STXBP4: variants seen among roughly 807,000 people sequenced by gnomAD.
STXBP4 encodes syntaxin binding protein 4.
STXBP4 carries 55 observed loss-of-function variants against 76.1 expected under a neutral mutation model. The observed-to-expected ratio is 0.72, with a 90% confidence interval of 0.58 to 0.91. The LOEUF is 0.91. Among genes scored for constraint, STXBP4 ranks in the 40% least tolerant of loss-of-function variants. The pLI, the probability that STXBP4 is intolerant of heterozygous loss-of-function variation, is 0.00. For missense variants in STXBP4, 618 were observed against 636.9 expected, an observed-to-expected ratio of 0.97 and a Z score of 0.32; for synonymous variants, 201 against 220.2, an observed-to-expected ratio of 0.91 and a Z score of 0.77.
At chr17:55,027,561 T>C (rs1014199742) in intron 8 of STXBP4, among the ~76,000 whole-genome samples, 1 of 152,088 alleles carries the variant, frequency 6.6e-6, no homozygotes, top group African/African-American at 2.4e-5. Flanking sequence ...CCAAAAGCTA[T>C]TGAAATAAAA....
At chr17:55,132,861 G>T (rs1194445507) in intron 16 of STXBP4, among the ~76,000 whole-genome samples, 1 of 152,170 alleles carries the variant, frequency 6.6e-6, no homozygotes, top group Non-Finnish European at 1.5e-5. Flanking sequence ...AGTGAACCAT[G>T]CATTCAAAGG....
At position 55,168,611 on chromosome 17, in the gene STXBP4, A is replaced by T. The variant is rs568429177; in HGVS notation, c.*8700A>T. On this transcript the variant is annotated 3_prime_UTR_variant, in exon 18 of 18. Transcript: ENST00000376352. Reference sequence around the variant, plus strand: ...GAGAACTGTTTCAGCATAGATTTTTAAAAATCATGTGTGTAAAAGAGAATG... The same window carrying T: ...GAGAACTGTTTCAGCATAGATTTTTTAAAATCATGTGTGTAAAAGAGAATG... The T allele has an allele frequency of 3.9e-5, 6 of 152,330 alleles. No homozygotes were observed. The highest frequency in any genetic ancestry group is 7.4e-5 in the Non-Finnish European group (5 of 68,014). The allele number at this position is 152,330 out of a possible 1,614,324, so 9.4% of individuals were successfully genotyped here. A position where few individuals can be genotyped will look rare whatever the true frequency, so the allele number is the denominator to read the frequency against.
At position 55,050,014 on chromosome 17, in the gene STXBP4, G is replaced by A. The variant is rs528797832; in HGVS notation, c.1011+2860G>A. Among the ~76,000 whole-genome samples the A allele has an allele frequency of 4.0e-4, 61 of 152,070 alleles. 1 individual carries two copies. Among genetic ancestry groups the A allele is most frequent in the Middle Eastern group, 6.8e-3 (2 of 294 alleles). On this transcript the variant is annotated intron_variant, in intron 12 of 17. Coordinates refer to ENST00000376352, the MANE Select transcript of STXBP4 (RefSeq NM_178509.6). Reference sequence around the variant, plus strand: ...ATTCTTTTCATGAAGCAAGTATAGCGTTGATGTATAAACTTAATAAAAATG... The same window carrying A: ...ATTCTTTTCATGAAGCAAGTATAGCATTGATGTATAAACTTAATAAAAATG...
intron 16 of STXBP4, among the ~76,000 whole-genome samples, chr17:55,136,546 G>A (rs1347361116): frequency 6.6e-6 from 1 of 152,024 alleles, no homozygotes; most frequent in African/African-American, 2.4e-5. Context: ...TTGTATCTAA[G>A]AATTGTATGT....
intron 8 of STXBP4, among the ~76,000 whole-genome samples, chr17:55,016,358 T>G (rs997320993): frequency 6.6e-6 from 1 of 152,070 alleles, no homozygotes; most frequent in Non-Finnish European, 1.5e-5. Context: ...CAGGGGTGAG[T>G]CCTAGAGCTG....
intron 1 of STXBP4, among the ~76,000 whole-genome samples, chr17:54,979,988 A>G (rs962637276): frequency 2.6e-5 from 4 of 152,212 alleles, no homozygotes; most frequent in Admixed American, 2.6e-4. Context: ...CTTTGCAATG[A>G]CAGCTTAATA....
the STXBP4 span, among the ~76,000 whole-genome samples, chr17:55,209,899 G>C: frequency 2.0e-5 from 3 of 152,302 alleles, no homozygotes; most frequent in Non-Finnish European, 2.9e-5. Flanking sequence ...CCAAGAGGCA[G>C]GCTGAGTGTG....
At chr17:55,093,418 A>G (rs1370017868) in intron 16 of STXBP4, among the ~76,000 whole-genome samples, 1 of 152,208 alleles carries the variant, frequency 6.6e-6, no homozygotes, top group Admixed American at 6.5e-5. Context: ...TCCAAGCATT[A>G]GATAATAGCT....
chr17:55,010,384 T>C (rs2144560568), intron 8 of STXBP4, among the ~76,000 whole-genome samples: 1 of 152,192 alleles, frequency 6.6e-6, no homozygotes, highest in East Asian at 1.9e-4. Flanking sequence ...TAGTTATTTC[T>C]TAATTCCTTG....
At chr17:55,082,124 A>G (rs2079263263) in intron 16 of STXBP4, among the ~76,000 whole-genome samples, 1 of 152,226 alleles carries the variant, frequency 6.6e-6, no homozygotes, top group African/African-American at 2.4e-5. Context: ...TTATAATAAA[A>G]TTATATATAT....
chr17:55,046,579 A>G (rs562036313), intron 11 of STXBP4, among the ~76,000 whole-genome samples: 2 of 152,034 alleles, frequency 1.3e-5, no homozygotes, highest in African/African-American at 4.8e-5. Flanking sequence ...GTGTATGTAT[A>G]ATATTAATCT....
rs244306 is a variant in STXBP4 at position 55,160,322 on chromosome 17, T to C, written c.*411T>C. On this transcript the variant is annotated 3_prime_UTR_variant, in exon 18 of 18. Transcript: ENST00000376352. ...CCTCATTTATTTGATAATTCACTAA[T>C]GTTTTATATTCATATATTAGGAAAG... 0.65 allele frequency: 99,022 copies of C among 152,766 alleles called. 33,145 individuals are homozygous for C. Among genetic ancestry groups the C allele is most frequent in the African/African-American group, 0.82 (33,900 of 41,496 alleles). The allele number at this position is 152,766 out of a possible 1,614,324, so 9.5% of individuals were successfully genotyped here. A position where few individuals can be genotyped will look rare whatever the true frequency, so the allele number is the denominator to read the frequency against.
intron 16 of STXBP4, among the ~76,000 whole-genome samples, chr17:55,098,485 C>A: frequency 6.6e-6 from 1 of 152,098 alleles, no homozygotes. Flanking sequence ...TAGCTCTCTG[C>A]AAACCCATAA....
chr17:55,181,852 C>A, the STXBP4 span, among the ~76,000 whole-genome samples: 2 of 152,014 alleles, frequency 1.3e-5, no homozygotes, highest in African/African-American at 2.4e-5. Context: ...GATTCATTAG[C>A]GTTAAAGAGA....
intron 12 of STXBP4, among the ~76,000 whole-genome samples, chr17:55,056,924 T>G (rs1452120170): frequency 6.6e-6 from 1 of 152,248 alleles, no homozygotes; most frequent in East Asian, 1.9e-4. Flanking sequence ...GAAAGCATAC[T>G]TCAAAATTTT....
chr17:55,180,040 G>C, the STXBP4 span, among the ~76,000 whole-genome samples: 2 of 152,114 alleles, frequency 1.3e-5, no homozygotes, highest in African/African-American at 4.8e-5. Flanking sequence ...GTCTGGTGGT[G>C]GAGTGAGAAA....
rs569457188 is a variant in STXBP4 at position 55,167,350 on chromosome 17, C to A, written c.*7439C>A. 1.6e-4 allele frequency: 24 copies of A among 152,202 alleles called. No individual in the cohort carries two copies. Among genetic ancestry groups the A allele is most frequent in the Middle Eastern group, 3.4e-3 (1 of 294 alleles). The allele number at this position is 152,202 out of a possible 1,614,324, so 9.4% of individuals were successfully genotyped here. A position where few individuals can be genotyped will look rare whatever the true frequency, so the allele number is the denominator to read the frequency against. Reference sequence around the variant, plus strand: ...AAATGTAACATTAACATAAAAAACTCTTTTAGCTGTTTCCTGCTTCTGGCA... The same window carrying A: ...AAATGTAACATTAACATAAAAAACTATTTTAGCTGTTTCCTGCTTCTGGCA... On this transcript the variant is annotated 3_prime_UTR_variant, in exon 18 of 18. Transcript: ENST00000376352.
At chr17:55,037,450 G>A (rs1247664377) in intron 10 of STXBP4, among the ~76,000 whole-genome samples, 2 of 151,824 alleles carry the variant, frequency 1.3e-5, no homozygotes, top group Non-Finnish European at 2.9e-5. Flanking sequence ...ATAATTTTAG[G>A]GCAGATAAGA....
At chr17:55,058,598 A>C (rs1187304316) in intron 12 of STXBP4, among the ~76,000 whole-genome samples, 1 of 152,196 alleles carries the variant, frequency 6.6e-6, no homozygotes, top group East Asian at 1.9e-4. Flanking sequence ...ACATGCCTGA[A>C]GGATGAATTT....
Sources: gnomAD v4.1 joint callset for allele counts (sites outside exome capture counted in the v4.1 genomes callset) on GRCh38, gnomAD v4.1.1 for gene constraint, MANE v1.5 for transcripts, NCBI Gene and HGNC (gene_info 2026-07-23, HGNC 2026-07-21) for gene names.